ANO4: variants seen among roughly 807,000 people sequenced by gnomAD.
ANO4 encodes anoctamin 4.
A neutral mutation model predicts 141.9 loss-of-function variants in ANO4; 69 were observed. The observed-to-expected ratio is 0.49, with a 90% CI of 0.40 to 0.59. The LOEUF is 0.59. Among genes scored for constraint, ANO4 ranks in the 20% least tolerant of loss-of-function variants. ANO4 has a pLI of 0.00. For synonymous variants in ANO4, 350 were observed against 394.3 expected (o/e 0.89, Z 1.33); for missense variants, 894 against 1,162.2 (o/e 0.77, Z 3.36).
chr12:100,742,857 C>A (rs979889471), intron 3 of ANO4, among the ~76,000 whole-genome samples: 7 of 152,254 alleles, frequency 4.6e-5, no homozygotes, highest in Non-Finnish European at 1.0e-4. Flanking sequence ...ATAGTAGATT[C>A]TCTTGTATTA....
At chr12:100,978,436 T>C (rs2044302408) in intron 7 of ANO4, among the ~76,000 whole-genome samples, 1 of 152,204 alleles carries the variant, frequency 6.6e-6, no homozygotes, top group Admixed American at 6.5e-5. Context: ...GGATATTAAA[T>C]GCCATCAAGT....
At chr12:100,939,200 G>A in intron 3 of ANO4, 115 bp from the exon 4 acceptor site, 2 of 1,043,826 alleles carry the variant, frequency 1.9e-6, no homozygotes, top group Admixed American at 2.3e-5. Context: ...GTCACTCAAG[G>A]AGTTAATGAA....
chr12:101,039,942 G>A lies in ANO4; in HGVS notation c.898-13G>A, dbSNP rs752189873. On this transcript the variant is annotated splice_polypyrimidine_tract_variant and intron_variant, in intron 10 of 27. Coordinates refer to ENST00000392977, the MANE Select transcript of ANO4 (RefSeq NM_001286615.2). ...TGAGTACTACCTCACTGGCAGTGGT[G>A]TTTTTATCCCAGGGAAGTTATAGAA... The A allele has an allele frequency of 1.9e-5, 31 of 1,607,242 alleles. No homozygotes were observed. Among genetic ancestry groups the A allele is most frequent in the Non-Finnish European group, 2.5e-5 (29 of 1,175,748 alleles).
intron 5 of ANO4, among the ~76,000 whole-genome samples, chr12:100,962,400 A>G (rs906232427): frequency 3.3e-5 from 5 of 152,206 alleles, no homozygotes; most frequent in Non-Finnish European, 5.9e-5. Context: ...TAGCTGGAAT[A>G]TGACCTGCAT....
intron 8 of ANO4, among the ~76,000 whole-genome samples, chr12:100,996,854 A>C (rs1186185425): frequency 6.6e-6 from 1 of 152,192 alleles, no homozygotes. Context: ...CCAATCAAAC[A>C]GTGGTAGCAC....
chr12:100,813,212 T>A (rs916332918), intron 1 of ANO4, among the ~76,000 whole-genome samples: 1 of 152,148 alleles, frequency 6.6e-6, no homozygotes, highest in Non-Finnish European at 1.5e-5. Flanking sequence ...GCCCTCCTTA[T>A]TTCCAGGGGA....
chr12:100,953,049 G>T (rs1055391203), intron 5 of ANO4, among the ~76,000 whole-genome samples: 4 of 152,132 alleles, frequency 2.6e-5, no homozygotes, highest in African/African-American at 9.7e-5. Flanking sequence ...CCCACAAAAA[G>T]AAACTTATTT....
intron 1 of ANO4, among the ~76,000 whole-genome samples, chr12:100,806,859 A>C (rs1472191113): frequency 6.6e-6 from 1 of 151,920 alleles, no homozygotes; most frequent in Non-Finnish European, 1.5e-5. Context: ...TTTATATACT[A>C]GAAAAATTCA....
intron 5 of ANO4, among the ~76,000 whole-genome samples, chr12:100,943,202 C>T (rs1474619650): frequency 6.6e-6 from 1 of 152,226 alleles, no homozygotes; most frequent in East Asian, 1.9e-4. Flanking sequence ...CTCAGGAATA[C>T]TGTGCACATT....
intron 1 of ANO4, among the ~76,000 whole-genome samples, chr12:100,812,856 C>T (rs2035526345): frequency 1.3e-5 from 2 of 152,174 alleles, no homozygotes; most frequent in South Asian, 4.1e-4. Context: ...AATAGCATTG[C>T]CTCAAGGCAA....
chr12:100,975,942 AAAG>A lies in ANO4; in HGVS notation c.602+1056_602+1058del, dbSNP rs1199007471. Among the ~76,000 whole-genome samples the A allele has an allele frequency of 3.9e-3, 461 of 117,100 alleles. 19 individuals are homozygous for A. Among genetic ancestry groups the A allele is most frequent in the African/African-American group, 0.011 (373 of 33,774 alleles). The allele number at this position is 117,100 out of a possible 152,430, so 76.8% of individuals were successfully genotyped here. ...ACCCTCTTTTCTGCCAAAAAAAAAAAAAGAAAAAAAAAACCCACCAGATGAAGA... is the reference window on the plus strand; with the variant it reads ...ACCCTCTTTTCTGCCAAAAAAAAAAAAAAAAAAAAACCCACCAGATGAAGA... On this transcript the variant is annotated intron_variant, in intron 7 of 27. Transcript: ENST00000392977.
At chr12:100,974,291 A>G (rs1485614152) in intron 6 of ANO4, among the ~76,000 whole-genome samples, 6 of 152,124 alleles carry the variant, frequency 3.9e-5, no homozygotes, top group South Asian at 2.1e-4. Flanking sequence ...CGGTGTGGTT[A>G]TGTACAGCTG....
At chr12:100,891,727 C>T (rs1184180165) in intron 1 of ANO4, among the ~76,000 whole-genome samples, 1 of 152,084 alleles carries the variant, frequency 6.6e-6, no homozygotes, top group Admixed American at 6.5e-5. Context: ...GCAATTAATA[C>T]ATATGTTATA....
intron 1 of ANO4, among the ~76,000 whole-genome samples, chr12:100,856,144 G>T (rs1461308316): frequency 1.3e-5 from 2 of 152,118 alleles, no homozygotes; most frequent in Non-Finnish European, 2.9e-5. Flanking sequence ...GGAACAATGG[G>T]TGAGAGAAAG....
chr12:100,743,036 TAA>T (rs1301840142), intron 3 of ANO4, among the ~76,000 whole-genome samples: 2 of 151,574 alleles, frequency 1.3e-5, no homozygotes, highest in African/African-American at 2.4e-5. Context: ...CAATATACAC[TAA>T]GTTACCACTC....
At chr12:100,806,683 T>G (rs2035075417) in intron 1 of ANO4, among the ~76,000 whole-genome samples, 1 of 151,616 alleles carries the variant, frequency 6.6e-6, no homozygotes, top group Non-Finnish European at 1.5e-5. Flanking sequence ...TAGCTGAGAT[T>G]ACAGGTGCCC....
chr12:100,961,332 T>C (rs1170125142), intron 5 of ANO4, among the ~76,000 whole-genome samples: 1 of 152,210 alleles, frequency 6.6e-6, no homozygotes, highest in Non-Finnish European at 1.5e-5. Flanking sequence ...GTATCAGATA[T>C]ACTCCCACTG....
chr12:101,009,227 T>C (rs1233941867), intron 8 of ANO4, among the ~76,000 whole-genome samples: 1 of 152,012 alleles, frequency 6.6e-6, no homozygotes, highest in Non-Finnish European at 1.5e-5. Context: ...AAGAGAAAAT[T>C]AAAACACAGA....
chr12:100,791,791 C>T (rs531765684), upstream of ANO4, among the ~76,000 whole-genome samples: 1 of 152,252 alleles, frequency 6.6e-6, no homozygotes, highest in African/African-American at 2.4e-5. Context: ...CTCCCTGAGC[C>T]CCAGGTGCCC....
Sources: gnomAD v4.1 joint callset for allele counts (sites outside exome capture counted in the v4.1 genomes callset) on GRCh38, gnomAD v4.1.1 for gene constraint, MANE v1.5 for transcripts, NCBI Gene and HGNC (gene_info 2026-07-23, HGNC 2026-07-21) for gene names.